The following LAMA3 variants were observed in gnomAD, a reference collection of about 807,000 sequenced individuals.
The protein encoded by LAMA3 is laminin subunit alpha-3.
In LAMA3, 281 loss-of-function variants were observed where a neutral mutation model predicts 402.0. The ratio of observed to expected loss-of-function variants is 0.70; its 90% CI spans 0.63 to 0.77. LAMA3 has a LOEUF of 0.77. Among genes scored for constraint, LAMA3 ranks in the 30% least tolerant of loss-of-function variants. The pLI, the probability that LAMA3 is intolerant of heterozygous loss-of-function variation, is 0.00. For synonymous variants in LAMA3, 1,431 were observed against 1,558.4 expected, an observed-to-expected ratio of 0.92 and a Z score of 1.93; for missense variants, 3,840 against 4,215.5, an observed-to-expected ratio of 0.91 and a Z score of 2.47.
At chr18:23,842,848 T>C (rs923724118) in intron 29 of LAMA3, 98 bp downstream of exon 29, 13 of 1,464,476 alleles carry the variant, frequency 8.9e-6, no homozygotes, top group African/African-American at 1.4e-5. Flanking sequence ...TTCCAAGGAA[T>C]TGAAGTCATA....
chr18:23,826,116 C>T (rs976609728), intron 21 of LAMA3, among the ~76,000 whole-genome samples: 6 of 152,194 alleles, frequency 3.9e-5, no homozygotes, highest in Non-Finnish European at 8.8e-5. Context: ...TCATTCACCT[C>T]CCAGAAGCCT....
chr18:23,718,560 T>C (rs562036561), intron 2 of LAMA3, among the ~76,000 whole-genome samples: 1 of 152,320 alleles, frequency 6.6e-6, no homozygotes, highest in East Asian at 1.9e-4. Flanking sequence ...GACTGAGTGT[T>C]GGCTTCAGAG....
At position 23,914,413 on chromosome 18, in the gene LAMA3, T is replaced by G; in HGVS notation, c.7333T>G (p.Ser2445Ala). The G allele has an allele frequency of 6.2e-7, 1 of 1,614,164 alleles. No homozygotes were observed. The highest frequency in any genetic ancestry group is 8.5e-7 in the Non-Finnish European group (1 of 1,180,018). ...TGAGGTGGCCCTTTGTCTCCAGGCC[T>G]CCCGGGACTACATCGGCATGGCAGT... Reference protein sequence around the residue: ...FVMYLGNKDASRDYIGMAVVD... With the variant: ...FVMYLGNKDAARDYIGMAVVD... Residue 2445 changes from serine to alanine, a missense_variant, in exon 57 of 75, where the codon TCC becomes GCC. Physicochemically the swap from Ser to Ala is moderately conservative, Grantham distance 99. Around this residue, in one of 3 missense-constraint regions of LAMA3, gnomAD observed 891 missense variants for 857.5 expected, o/e 1.04. Transcript: ENST00000313654.
At position 23,798,432 on chromosome 18, in the gene LAMA3, C is replaced by T. The variant is rs117874473; in HGVS notation, c.1604-11934C>T. Among the ~76,000 whole-genome samples the T allele has an allele frequency of 8.0e-3, 1,223 of 152,078 alleles. 13 individuals carry two copies. Among genetic ancestry groups the T allele is most frequent in the Middle Eastern group, 0.017 (5 of 294 alleles). On this transcript the variant is annotated intron_variant, in intron 12 of 74. Coordinates refer to ENST00000313654, the MANE Select transcript of LAMA3 (RefSeq NM_198129.4). Reference sequence around the variant, plus strand: ...TATGTTGTCAGTGAGAGATTAACCTCCTCCTCCCTGTTAACATACTCTCCT... The same window carrying T: ...TATGTTGTCAGTGAGAGATTAACCTTCTCCTCCCTGTTAACATACTCTCCT...
chr18:23,949,065 G>A (rs1225643152), intron 70 of LAMA3, among the ~76,000 whole-genome samples: 1 of 152,114 alleles, frequency 6.6e-6, no homozygotes, highest in Admixed American at 6.5e-5. Flanking sequence ...GTATAATATA[G>A]GAGAGCACAG....
intron 67 of LAMA3, among the ~76,000 whole-genome samples, chr18:23,935,831 G>T: frequency 6.6e-6 from 1 of 152,080 alleles, no homozygotes; most frequent in Non-Finnish European, 1.5e-5. Flanking sequence ...CTACAGGAGT[G>T]GTGTGGCAGG....
chr18:23,788,617 A>G (rs565200951), intron 12 of LAMA3, among the ~76,000 whole-genome samples: 34 of 152,046 alleles, frequency 2.2e-4, no homozygotes, highest in Non-Finnish European at 4.0e-4. Flanking sequence ...AAAAATTAGT[A>G]CAAAATGTAT....
rs753085400 is a variant in LAMA3 at position 23,763,572 on chromosome 18, T to C, written c.1182+49T>C. ...TGGATGTGTTGTCATGGGGAATGAG[T>C]ATTCAGTAAGCTCTGCTCCTGAAGA... On this transcript the variant is annotated intron_variant, in intron 8 of 74. Transcript: ENST00000313654. 3 of 1,108,510 alleles carry C rather than the reference T, an allele frequency of 2.7e-6. No homozygotes were observed. In the Admixed American group the frequency reaches 5.1e-5, roughly 19 times the overall value. 68.7% of individuals were successfully genotyped at this position (1,108,510 alleles called of 1,614,324 possible).
chr18:23,934,033 C>G, intron 67 of LAMA3, 98 bp downstream of exon 67: 1 of 1,181,982 alleles, frequency 8.5e-7, no homozygotes, highest in South Asian at 1.2e-5. Context: ...GAGAGCTCAC[C>G]AGTCCATAAA....
chr18:23,790,891 C>CTTT (rs34056350), intron 12 of LAMA3, among the ~76,000 whole-genome samples: 8 of 145,018 alleles, frequency 5.5e-5, no homozygotes, highest in Admixed American at 5.5e-4. Context: ...CCTATTTTAT[C>CTTT]TTTTTTTTTT....
intron 12 of LAMA3, chr18:23,795,990 G>A (rs927471867): frequency 3.2e-5 from 11 of 345,270 alleles, no homozygotes; most frequent in Middle Eastern, 4.0e-4. Flanking sequence ...AAGATAGCTC[G>A]TTCACTCTCT....
At chr18:23,761,059 G>A (rs182008016) in intron 7 of LAMA3, among the ~76,000 whole-genome samples, 1 of 152,206 alleles carries the variant, frequency 6.6e-6, no homozygotes, top group Non-Finnish European at 1.5e-5. Context: ...TGTTAGATAC[G>A]TAGTATTTTA....
intron 8 of LAMA3, among the ~76,000 whole-genome samples, 177 bp downstream of exon 8, chr18:23,763,700 A>T (rs1016565268): frequency 6.6e-6 from 1 of 152,200 alleles, no homozygotes; most frequent in African/African-American, 2.4e-5. Context: ...AGGGATTGTA[A>T]GGAAAATGGA....
chr18:23,777,931 A>C (rs963060043), intron 11 of LAMA3, among the ~76,000 whole-genome samples: 6 of 152,366 alleles, frequency 3.9e-5, no homozygotes, highest in East Asian at 1.9e-4. Context: ...CAGACCCTGA[A>C]AAAGGAATGG....
intron 23 of LAMA3, among the ~76,000 whole-genome samples, chr18:23,829,206 T>G (rs2063446894): frequency 1.3e-5 from 2 of 152,218 alleles, no homozygotes; most frequent in African/African-American, 4.8e-5. Flanking sequence ...AAAACCTATT[T>G]CCTTTTCAGA....
intron 12 of LAMA3, among the ~76,000 whole-genome samples, chr18:23,787,656 G>T (rs1355906648): frequency 6.6e-6 from 1 of 152,160 alleles, no homozygotes; most frequent in Non-Finnish European, 1.5e-5. Context: ...GAGGCAAGAA[G>T]GCAGTGAGAG....
At chr18:23,954,010 G>A (rs1052553011) in intron 74 of LAMA3, among the ~76,000 whole-genome samples, 4 of 152,204 alleles carry the variant, frequency 2.6e-5, no homozygotes, top group East Asian at 1.9e-4. Context: ...CAGTAGCCTT[G>A]TTGCTGATTT....
intron 2 of LAMA3, among the ~76,000 whole-genome samples, chr18:23,723,517 A>G (rs979299218): frequency 3.9e-5 from 6 of 152,330 alleles, no homozygotes; most frequent in Admixed American, 3.3e-4. Context: ...AAATGTGCCT[A>G]TATAAGCAAA....
chr18:23,875,653 C>G (rs754846390), intron 38 of LAMA3, among the ~76,000 whole-genome samples: 10 of 152,166 alleles, frequency 6.6e-5, no homozygotes, highest in Non-Finnish European at 1.0e-4. Flanking sequence ...CTCCTATTCC[C>G]CACAACCCAC....
Sources: gnomAD v4.1 joint callset for allele counts (sites outside exome capture counted in the v4.1 genomes callset) on GRCh38, gnomAD v4.1.1 for gene constraint, gnomAD v4.1.1 regional missense constraint, MANE v1.5 for transcripts, NCBI Gene and HGNC (gene_info 2026-07-23, HGNC 2026-07-21) for gene names.